Variants in MASP1 observed in about 807,000 individuals in gnomAD.
MASP1 encodes the protein MBL associated serine protease 1, also known as mannan-binding lectin serine protease 1.
A neutral mutation model predicts 77.1 loss-of-function variants in MASP1; 59 were observed. The observed-to-expected ratio is 0.77, with a 90% CI of 0.62 to 0.95. The LOEUF is 0.95. Ranked by LOEUF, MASP1 falls within the 40% of genes least tolerant of loss-of-function variation. The pLI, the probability that MASP1 is intolerant of heterozygous loss-of-function variation, is 0.00. For synonymous variants in MASP1, 362 were observed against 354.5 expected (o/e 1.02, Z -0.24); for missense variants, 885 against 912.9 (o/e 0.97, Z 0.39).
At chr3:187,245,840 A>T (rs1410782948) in intron 8 of MASP1, among the ~76,000 whole-genome samples, 2 of 152,066 alleles carry the variant, frequency 1.3e-5, no homozygotes, top group Non-Finnish European at 2.9e-5. Context: ...CTCCATGGTA[A>T]TTTCTTGTTG....
At chr3:187,261,694 C>T (rs572866016) in intron 3 of MASP1, among the ~76,000 whole-genome samples, 1 of 152,200 alleles carries the variant, frequency 6.6e-6, no homozygotes, top group Non-Finnish European at 1.5e-5. Context: ...TATACCTATC[C>T]TATGACTCAG....
downstream of MASP1, among the ~76,000 whole-genome samples, chr3:187,230,478 T>C (rs1712702763): frequency 6.6e-6 from 1 of 152,216 alleles, no homozygotes; most frequent in Non-Finnish European, 1.5e-5. Flanking sequence ...ATTCCCTTTT[T>C]TCCCCTTAAG....
At chr3:187,228,062 A>G (rs548877418) in intron 11 of MASP1, among the ~76,000 whole-genome samples, 1 of 152,310 alleles carries the variant, frequency 6.6e-6, no homozygotes, top group African/African-American at 2.4e-5. Context: ...GGCCGAGGGT[A>G]GAGAAGTGAA....
chr3:187,249,939 G>T (rs139076303), intron 8 of MASP1, among the ~76,000 whole-genome samples: 148 of 152,354 alleles, frequency 9.7e-4, no homozygotes, highest in African/African-American at 3.2e-3. Flanking sequence ...ATTAGCAATT[G>T]CCAAAGCTGG....
At chr3:187,263,566 T>C (rs796546743) in intron 2 of MASP1, among the ~76,000 whole-genome samples, 3 of 152,334 alleles carry the variant, frequency 2.0e-5, no homozygotes, top group African/African-American at 7.2e-5. Context: ...TGGAAGACAC[T>C]GAAAACTTTT....
chr3:187,236,193 G>A lies in MASP1; in HGVS notation c.1678C>T (p.Gln560Ter), dbSNP rs144217031. 6.2e-6 allele frequency: 10 copies of A among 1,614,038 alleles called. No individual in the cohort carries two copies. Among genetic ancestry groups the A allele is most frequent in the Non-Finnish European group, 6.8e-6 (8 of 1,180,056 alleles). ...TGGGGTCCCAGGGGCACAGGCTCCT[G>A]CAGCTGCACCAGAGCTATATCGTGG... ...YNHDIALVQL[Q>*]EPVPLGPHVM... Residue 560 changes from glutamine (Q) to a stop codon, truncating the protein, a stop_gained, in exon 11 of 11, where the codon CAG becomes TAG. Coordinates refer to ENST00000296280, the MANE Select transcript of MASP1 (RefSeq NM_139125.4). LOFTEE classifies it high-confidence loss of function.
chr3:187,239,314 T>C (rs1713435077), intron 10 of MASP1, among the ~76,000 whole-genome samples: 1 of 152,102 alleles, frequency 6.6e-6, no homozygotes, highest in Non-Finnish European at 1.5e-5. Flanking sequence ...GATCGCACCA[T>C]TGCACGCAGC....
At chr3:187,265,483 T>C (rs963842400) in intron 2 of MASP1, among the ~76,000 whole-genome samples, 2 of 152,152 alleles carry the variant, frequency 1.3e-5, no homozygotes, top group Non-Finnish European at 2.9e-5. Flanking sequence ...ACAGGAAGCA[T>C]GCCCCAGCTG....
At chr3:187,250,351 G>A in intron 7 of MASP1, 22 bp from the exon 8 acceptor site, 1 of 1,582,024 alleles carries the variant, frequency 6.3e-7, no homozygotes, top group Non-Finnish European at 8.7e-7. Context: ...CAGGAAGAAG[G>A]GAGTGGGAAG....
intron 14 of MASP1, among the ~76,000 whole-genome samples, chr3:187,221,981 A>G (rs1251354934): frequency 6.6e-6 from 1 of 152,208 alleles, no homozygotes; most frequent in Non-Finnish European, 1.5e-5. Flanking sequence ...TGAATGGGCC[A>G]TATTCTCTAA....
At chr3:187,257,019 G>T (rs758248770) in intron 4 of MASP1, among the ~76,000 whole-genome samples, 159 bp from the exon 5 acceptor site, 4 of 152,072 alleles carry the variant, frequency 2.6e-5, no homozygotes, top group African/African-American at 4.8e-5. Context: ...GCTCAAGGTC[G>T]CATGTCTAGT....
exon 16 of MASP1, chr3:187,218,588 A>T (rs376545393): frequency 1.3e-5 from 2 of 150,230 alleles, no homozygotes; most frequent in African/African-American, 4.9e-5. Context: ...CCTGGGGCTT[A>T]ATATATATAT....
Position 187,236,206 on chromosome 3 carries a change from A to G in MASP1, c.1665T>C (p.Ala555=). 1 of 1,614,050 alleles carries G rather than the reference A, an allele frequency of 6.2e-7. No individual in the cohort carries two copies. Among genetic ancestry groups the G allele is most frequent in the Non-Finnish European group, 8.5e-7 (1 of 1,180,022 alleles). Residue 555 remains alanine, a synonymous_variant, in exon 11 of 11, where the codon GCT becomes GCC. Transcript: ENST00000296280. ...GCACAGGCTCCTGCAGCTGCACCAG[A>G]GCTATATCGTGGTTGTAGTTTTGGA... is the stretch of plus-strand genomic sequence containing the variant. The part of the protein sequence containing the change: ...FNIQNYNHDI[A]LVQLQEPVPL...
chr3:187,256,527 A>G (rs1423984499), intron 5 of MASP1, 137 bp downstream of exon 5: 1 of 807,196 alleles, frequency 1.2e-6, no homozygotes, highest in Non-Finnish European at 2.1e-6. Context: ...ATATTATTTT[A>G]AATAATGCCT....
chr3:187,286,710 C>A (rs1253064129), intron 1 of MASP1, among the ~76,000 whole-genome samples: 1 of 152,162 alleles, frequency 6.6e-6, no homozygotes, highest in Non-Finnish European at 1.5e-5. Flanking sequence ...ATGGCTGACG[C>A]AATAACGAGG....
intron 2 of MASP1, among the ~76,000 whole-genome samples, chr3:187,273,954 A>G (rs1361970110): frequency 6.6e-6 from 1 of 152,246 alleles, no homozygotes; most frequent in Non-Finnish European, 1.5e-5. Context: ...CCATGCCTGT[A>G]ATCCCTGCAT....
chr3:187,231,111 G>C (rs879898398), downstream of MASP1, among the ~76,000 whole-genome samples: 1 of 152,232 alleles, frequency 6.6e-6, no homozygotes, highest in Non-Finnish European at 1.5e-5. Flanking sequence ...AGCCCAATGA[G>C]TGGGAACTCC....
chr3:187,220,925 G>A (rs994402364), intron 15 of MASP1: 19 of 810,438 alleles, frequency 2.3e-5, no homozygotes, highest in African/African-American at 8.4e-5. Flanking sequence ...AGTCCCCCGC[G>A]CCCCCACACT....
At chr3:187,290,740 G>A (rs1172447235) in intron 1 of MASP1, among the ~76,000 whole-genome samples, 2 of 140,232 alleles carry the variant, frequency 1.4e-5, no homozygotes, top group Non-Finnish European at 3.1e-5. Flanking sequence ...AGTAAAAGAT[G>A]TGTTTAGGGA....
Sources: allele counts gnomAD v4.1 joint callset (sites outside exome capture counted in the v4.1 genomes callset), GRCh38; gene constraint gnomAD v4.1.1; transcripts MANE v1.5; gene names NCBI Gene and HGNC (gene_info 2026-07-23, HGNC 2026-07-21).